Variants in DSE observed in about 807,000 individuals in gnomAD.
The protein encoded by DSE is dermatan sulfate epimerase.
Under a neutral mutation model 84.4 loss-of-function variants are expected in DSE, and 36 were observed. The observed-to-expected ratio is 0.43, with a 90% CI of 0.33 to 0.56. DSE has a LOEUF of 0.56. Among genes scored for constraint, DSE ranks in the 20% least tolerant of loss-of-function variants. DSE has a pLI of 0.06. For missense variants in DSE, 862 were observed against 1,169.6 expected, an observed-to-expected ratio of 0.74 and a Z score of 3.84; for synonymous variants, 410 against 430.1, an observed-to-expected ratio of 0.95 and a Z score of 0.58.
chr6:116,334,870 A>G (rs1394602993), intron 2 of DSE, among the ~76,000 whole-genome samples: 2 of 152,250 alleles, frequency 1.3e-5, no homozygotes. Flanking sequence ...CAGAATGGCT[A>G]TTAAAAAGTC....
intron 2 of DSE, among the ~76,000 whole-genome samples, chr6:116,362,382 A>G (rs1778950049): frequency 2.0e-5 from 3 of 152,214 alleles, no homozygotes; most frequent in Admixed American, 1.3e-4. Context: ...TTGTTCCCCA[A>G]AATTCATATG....
intron 2 of DSE, among the ~76,000 whole-genome samples, chr6:116,311,536 T>C (rs1322322773): frequency 2.0e-5 from 3 of 152,210 alleles, no homozygotes; most frequent in South Asian, 2.1e-4. Flanking sequence ...ATGTCTTCAA[T>C]AGAGGACTAT....
chr6:116,302,904 G>A (rs1297094883), intron 2 of DSE, among the ~76,000 whole-genome samples: 5 of 152,082 alleles, frequency 3.3e-5, no homozygotes, highest in African/African-American at 1.2e-4. Flanking sequence ...AGGGAATCCT[G>A]TCTCCATTTC....
chr6:116,425,618 T>C (rs1223050235), intron 2 of DSE, among the ~76,000 whole-genome samples: 1 of 59,204 alleles, frequency 1.7e-5, no homozygotes, highest in African/African-American at 6.4e-5. Context: ...TATTTATTTT[T>C]ATTTTATTTT....
Position 116,258,904 on chromosome 6 carries a change from C to T in DSE, c.-117C>T, listed in dbSNP as rs755907985. 62 of 1,591,232 alleles carry T rather than the reference C, an allele frequency of 3.9e-5. No individual in the cohort carries two copies. The East Asian group carries it at 4.2e-4, about 11-fold the overall frequency. On this transcript the variant is annotated 5_prime_UTR_variant, in exon 2 of 4. Transcript: ENST00000430252. ...GTGCATCATCATGGAGTTAGTAAGG[C>T]GCTCCACAATGGGACACTGAGCTTT...
At chr6:116,430,891 A>G (rs1783789808) in intron 3 of DSE, 63 bp from the exon 4 acceptor site, 6 of 1,585,194 alleles carry the variant, frequency 3.8e-6, no homozygotes, top group Non-Finnish European at 5.1e-6. Flanking sequence ...TTTATTGGCC[A>G]TATTTTTGTT....
chr6:116,338,027 A>C (rs1777351567), intron 2 of DSE, among the ~76,000 whole-genome samples: 1 of 152,106 alleles, frequency 6.6e-6, no homozygotes. Flanking sequence ...TGATTTTGTC[A>C]GGTAAGAGAA....
At chr6:116,321,074 C>T (rs1043963099) in intron 2 of DSE, among the ~76,000 whole-genome samples, 2 of 152,170 alleles carry the variant, frequency 1.3e-5, no homozygotes, top group African/African-American at 2.4e-5. Flanking sequence ...AAAAGCAGTT[C>T]TGCAACTCTT....
chr6:116,404,984 GTGT>G (rs1781824421), intron 2 of DSE, among the ~76,000 whole-genome samples: 4 of 138,928 alleles, frequency 2.9e-5, no homozygotes, highest in African/African-American at 6.1e-5. Flanking sequence ...AGAAGTAATT[GTGT>G]TTTTTTTTTT....
chr6:116,436,275 C>T lies in DSE; in HGVS notation c.1807C>T (p.His603Tyr). Reference protein sequence around the residue: ...PFEETVVDGVHGAFIRQRDGL... With the variant: ...PFEETVVDGVYGAFIRQRDGL... Reference sequence around the variant, plus strand: ...TGAGGAGACTGTGGTAGATGGTGTCCATGGGGCTTTCATCAGGCAGAGAGA... The same window carrying T: ...TGAGGAGACTGTGGTAGATGGTGTCTATGGGGCTTTCATCAGGCAGAGAGA... Residue 603 changes from histidine (H) to tyrosine (Y), a missense_variant, in exon 6 of 6, where the codon CAT becomes TAT. Transcript: ENST00000644252. The T allele has an allele frequency of 1.2e-6, 2 of 1,614,070 alleles. No individual in the cohort carries two copies. Among genetic ancestry groups the T allele is most frequent in the Non-Finnish European group, 8.5e-7 (1 of 1,179,994 alleles).
chr6:116,261,519 T>A (rs2114597747), intron 2 of DSE, among the ~76,000 whole-genome samples: 1 of 152,106 alleles, frequency 6.6e-6, no homozygotes, highest in South Asian at 2.1e-4. Flanking sequence ...GACTATGGGG[T>A]TTTCTAGATA....
intron 2 of DSE, among the ~76,000 whole-genome samples, chr6:116,401,804 A>G (rs1781611234): frequency 6.6e-6 from 1 of 152,300 alleles, no homozygotes; most frequent in African/African-American, 2.4e-5. Context: ...ACCAAGAAGT[A>G]CACAATGAGT....
intron 2 of DSE, among the ~76,000 whole-genome samples, chr6:116,335,019 A>G (rs1262425583): frequency 6.6e-6 from 1 of 152,216 alleles, no homozygotes; most frequent in Non-Finnish European, 1.5e-5. Context: ...TGGCCTCATT[A>G]CTGTATATAT....
At chr6:116,298,036 G>A (rs1774776960) in intron 2 of DSE, among the ~76,000 whole-genome samples, 1 of 152,298 alleles carries the variant, frequency 6.6e-6, no homozygotes, top group Non-Finnish European at 1.5e-5. Context: ...AGGCCCTGGG[G>A]TAAGAAATAT....
At chr6:116,298,423 G>A (rs73767728) in intron 2 of DSE, among the ~76,000 whole-genome samples, 10,092 of 152,278 alleles carry the variant, frequency 0.066, 674 homozygotes, top group African/African-American at 0.17. Context: ...AGAGATCAGA[G>A]TGACACAGTG....
In DSE at chr6:116,339,028, TA is replaced by T. The variant is rs759892868; in HGVS notation, c.-53-60169del. Among the ~76,000 whole-genome samples the T allele has an allele frequency of 1.9e-3, 287 of 152,334 alleles. 1 individual carries two copies. Among genetic ancestry groups the T allele is most frequent in the Non-Finnish European group, 3.7e-3 (252 of 68,024 alleles). On this transcript the variant is annotated intron_variant, in intron 2 of 3. Transcript: ENST00000430252. ...CTGTGCTAGAAGCTCTGTTCATCTG[TA>T]TCCATTTACTGGTAACATGCTCCTG...
intron 2 of DSE, chr6:116,355,640 GAT>G (rs1778528581): frequency 6.6e-6 from 1 of 152,146 alleles, no homozygotes; most frequent in African/African-American, 2.4e-5. Flanking sequence ...TGCTCAATTT[GAT>G]ATGTTATCTC....
chr6:116,407,753 A>G (rs1018376519), intron 2 of DSE, among the ~76,000 whole-genome samples: 10 of 152,246 alleles, frequency 6.6e-5, no homozygotes, highest in Admixed American at 2.6e-4. Context: ...TTCAGGAAAA[A>G]GTACCTTTGA....
intron 2 of DSE, among the ~76,000 whole-genome samples, chr6:116,334,104 T>C (rs571895092): frequency 6.6e-6 from 1 of 152,238 alleles, no homozygotes; most frequent in Non-Finnish European, 1.5e-5. Context: ...TTTACACATT[T>C]GTTTCCCACC....
Sources: gnomAD v4.1 joint callset for allele counts (sites outside exome capture counted in the v4.1 genomes callset) on GRCh38, gnomAD v4.1.1 for gene constraint, MANE v1.5 for transcripts, NCBI Gene and HGNC (gene_info 2026-07-23, HGNC 2026-07-21) for gene names.